SEMA3A: variants seen among roughly 807,000 people sequenced by gnomAD.
SEMA3A encodes the protein semaphorin 3A.
A neutral mutation model predicts 97.9 loss-of-function variants in SEMA3A; 29 were observed. That is an observed-to-expected ratio of 0.30 (90% CI 0.22 to 0.40). The LOEUF is 0.40. Ranked by LOEUF, SEMA3A falls within the 10% of genes least tolerant of loss-of-function variation. The pLI, the probability that SEMA3A is intolerant of heterozygous loss-of-function variation, is 1.00. For synonymous variants in SEMA3A, 321 were observed against 323.7 expected, an observed-to-expected ratio of 0.99 and a Z score of 0.09; for missense variants, 763 against 951.3, an observed-to-expected ratio of 0.80 and a Z score of 2.60.
chr7:84,099,074 TC>T (rs1486773463), intron 4 of SEMA3A, among the ~76,000 whole-genome samples: 2,779 of 96,058 alleles, frequency 0.029, 566 homozygotes, highest in African/African-American at 0.084. Context: ...TCTTTTTTTT[TC>T]TTTTTTTTTT....
chr7:84,069,185 A>C (rs1793651817), intron 4 of SEMA3A, among the ~76,000 whole-genome samples: 1 of 152,126 alleles, frequency 6.6e-6, no homozygotes. Context: ...CATTACATGT[A>C]ATAATGGGCT....
intron 15 of SEMA3A, among the ~76,000 whole-genome samples, chr7:83,964,364 C>T (rs1273479560): frequency 2.0e-5 from 3 of 152,196 alleles, no homozygotes; most frequent in Non-Finnish European, 4.4e-5. Context: ...AATTTTTGCT[C>T]TCTACTTCAA....
intron 3 of SEMA3A, 88 bp from the exon 4 acceptor site, chr7:84,110,677 G>T: frequency 2.5e-5 from 34 of 1,387,036 alleles, no homozygotes; most frequent in South Asian, 1.6e-4. Flanking sequence ...GAACAGATTT[G>T]TCTTTTGTTT....
intron 12 of SEMA3A, among the ~76,000 whole-genome samples, chr7:83,995,040 C>A (rs1299944353): frequency 1.3e-5 from 2 of 152,122 alleles, no homozygotes; most frequent in Non-Finnish European, 2.9e-5. Flanking sequence ...TTAAGCCCGT[C>A]GGAAAAGTGC....
chr7:84,031,767 C>T (rs962146146), intron 6 of SEMA3A, among the ~76,000 whole-genome samples: 1 of 151,892 alleles, frequency 6.6e-6, no homozygotes, highest in Non-Finnish European at 1.5e-5. Flanking sequence ...ACCTAGGAGG[C>T]GGAGGTTGTG....
At chr7:84,052,496 T>C (rs965742621) in intron 5 of SEMA3A, among the ~76,000 whole-genome samples, 80 of 152,240 alleles carry the variant, frequency 5.3e-4, no homozygotes, top group African/African-American at 1.7e-3. Context: ...AGTTTATTTG[T>C]GTAGAGGTGT....
At chr7:84,097,240 C>T (rs976487719) in intron 4 of SEMA3A, among the ~76,000 whole-genome samples, 5 of 152,000 alleles carry the variant, frequency 3.3e-5, no homozygotes, top group Non-Finnish European at 5.9e-5. Flanking sequence ...TATACAAAAC[C>T]GCATTTGCAA....
At chr7:84,009,958 T>TTTTG (rs1268683638) in intron 9 of SEMA3A, among the ~76,000 whole-genome samples, 3 of 151,750 alleles carry the variant, frequency 2.0e-5, no homozygotes, top group African/African-American at 7.3e-5. Context: ...TGCTGAAAGT[T>TTTTG]TTTGTTTGTT....
chr7:84,241,037 G>C (rs886736343), intron 3 of SEMA3A, among the ~76,000 whole-genome samples: 3 of 152,170 alleles, frequency 2.0e-5, no homozygotes. Flanking sequence ...CCAAGTCTTT[G>C]CTATTGTGAA....
chr7:84,236,520 T>G (rs1452859737), intron 3 of SEMA3A, among the ~76,000 whole-genome samples: 1 of 152,130 alleles, frequency 6.6e-6, no homozygotes, highest in Non-Finnish European at 1.5e-5. Flanking sequence ...TTCAGGCCCT[T>G]CCTCCAAGAT....
intron 1 of SEMA3A, among the ~76,000 whole-genome samples, chr7:84,464,221 A>T (rs1415726272): frequency 6.6e-6 from 1 of 152,172 alleles, no homozygotes; most frequent in Non-Finnish European, 1.5e-5. Flanking sequence ...TGCTAGCCAT[A>T]TTTTTTCAGC....
rs554621500 is a variant in SEMA3A, at chr7:84,306,243, T to A, written c.-83+964A>T. 3.9e-5 allele frequency: 6 copies of A among 152,036 alleles called. No homozygotes were observed. The East Asian group carries it at 9.7e-4, about 24-fold the overall frequency. 9.4% of individuals were successfully genotyped at this position (152,036 alleles called of 1,614,324 possible). On this transcript the variant is annotated intron_variant, in intron 3 of 3. Coordinates refer to the SEMA3A transcript ENST00000424555. Reference sequence around the variant, plus strand: ...TTCATAAATTTTTTACTTTTATTGGTACTAATATGAATAACCTAGGAAAAA... The same window carrying A: ...TTCATAAATTTTTTACTTTTATTGGAACTAATATGAATAACCTAGGAAAAA...
chr7:84,068,306 G>T (rs1397017330), intron 4 of SEMA3A, among the ~76,000 whole-genome samples: 4 of 147,540 alleles, frequency 2.7e-5, no homozygotes, highest in Non-Finnish European at 4.5e-5. Flanking sequence ...ATAGCATTGG[G>T]AGATATACCT....
chr7:84,230,292 A>T (rs1481374787), intron 3 of SEMA3A, among the ~76,000 whole-genome samples: 1 of 151,912 alleles, frequency 6.6e-6, no homozygotes, highest in Non-Finnish European at 1.5e-5. Context: ...TTTAAAAATT[A>T]TATTTTACCT....
intron 3 of SEMA3A, among the ~76,000 whole-genome samples, chr7:84,273,058 A>G (rs1191714613): frequency 6.6e-6 from 1 of 152,104 alleles, no homozygotes; most frequent in East Asian, 1.9e-4. Flanking sequence ...ATGTTTCAAT[A>G]TTATTTGTCA....
At chr7:84,116,552 C>T (rs1372164812) in intron 3 of SEMA3A, among the ~76,000 whole-genome samples, 1 of 152,100 alleles carries the variant, frequency 6.6e-6, no homozygotes, top group African/African-American at 2.4e-5. Context: ...TAATCTCTAC[C>T]ATCTGGGAAT....
In SEMA3A at chr7:84,007,343, A is replaced by C; in HGVS notation, c.1140+10T>G. On this transcript the variant is annotated intron_variant, in intron 10 of 16. Coordinates refer to ENST00000265362, the MANE Select transcript of SEMA3A (RefSeq NM_006080.3). The stretch of plus-strand genomic sequence containing the variant: ...ATTCATTTCATATTTTAAACACCTA[A>C]GCTACTTACAGTTCCTGGCCGTGGA... 1.3e-6 allele frequency: 2 copies of C among 1,587,392 alleles called. No individual in the cohort carries two copies. Among genetic ancestry groups the C allele is most frequent in the Non-Finnish European group, 1.7e-6 (2 of 1,168,196 alleles).
chr7:84,330,738 T>C (rs1437993864), intron 2 of SEMA3A, among the ~76,000 whole-genome samples: 2 of 152,084 alleles, frequency 1.3e-5, no homozygotes, highest in Non-Finnish European at 2.9e-5. Flanking sequence ...TTTAGAATAC[T>C]ACAAGCACTT....
intron 6 of SEMA3A, among the ~76,000 whole-genome samples, chr7:84,029,372 CTTG>C (rs1791658126): frequency 1.3e-5 from 2 of 152,026 alleles, no homozygotes; most frequent in South Asian, 4.2e-4. Context: ...CATATAATAT[CTTG>C]TTATTTACAA....
Sources: gnomAD v4.1 joint callset for allele counts (sites outside exome capture counted in the v4.1 genomes callset) on GRCh38, gnomAD v4.1.1 for gene constraint, MANE v1.5 for transcripts, NCBI Gene and HGNC (gene_info 2026-07-23, HGNC 2026-07-21) for gene names.